The following FREM3 variants were observed in gnomAD, a reference collection of about 807,000 sequenced individuals.
FREM3 encodes FRAS1-related extracellular matrix protein 3.
Under a neutral mutation model 129.1 loss-of-function variants are expected in FREM3, and 105 were observed. The ratio of observed to expected loss-of-function variants is 0.81; its 90% CI spans 0.69 to 0.96. The LOEUF (loss-of-function observed/expected upper bound fraction) is 0.96. Among genes scored for constraint, FREM3 ranks in the 40% least tolerant of loss-of-function variants. FREM3 has a pLI of 0.00. For missense variants in FREM3, 2,593 were observed against 2,666.3 expected (o/e 0.97, Z 0.61); for synonymous variants, 1,014 against 1,044.9 (o/e 0.97, Z 0.57).
rs1458198190 is a variant in FREM3, at chr4:143,697,781, A to G, written c.2895T>C (p.Thr965=). Residue 965 remains threonine, a synonymous_variant, in exon 1 of 8, where the codon ACT becomes ACC. Coordinates refer to ENST00000329798, the MANE Select transcript of FREM3 (RefSeq NM_001168235.2). ...VSIDVLENKA[T]EITMGVIHGK... is the part of the protein sequence containing the mutation. ...CATGGATGACACCCATGGTAATTTCAGTGGCTTTATTCTCTAGTACGTCTA... is the reference window on the plus strand; with the variant it reads ...CATGGATGACACCCATGGTAATTTCGGTGGCTTTATTCTCTAGTACGTCTA... 3 of 1,537,620 alleles carry G rather than the reference A, an allele frequency of 2.0e-6. No individual in the cohort carries two copies. The highest frequency in any genetic ancestry group is 4.9e-5 in the East Asian group (2 of 40,920).
chr4:143,692,653 A>G (rs1369551839), intron 2 of FREM3, among the ~76,000 whole-genome samples: 1 of 152,096 alleles, frequency 6.6e-6, no homozygotes, highest in Non-Finnish European at 1.5e-5. Flanking sequence ...CGGGAGAAAT[A>G]TATATATATC....
intron 2 of FREM3, among the ~76,000 whole-genome samples, chr4:143,634,609 C>T (rs1739202874): frequency 6.6e-6 from 1 of 152,094 alleles, no homozygotes; most frequent in Non-Finnish European, 1.5e-5. Context: ...CACATCCTGC[C>T]TCCTCATGTG....
intron 2 of FREM3, among the ~76,000 whole-genome samples, chr4:143,636,831 T>G (rs1739241416): frequency 6.6e-6 from 1 of 152,130 alleles, no homozygotes; most frequent in Non-Finnish European, 1.5e-5. Context: ...CTCAAATAGG[T>G]AAAGTCATTT....
Position 143,696,408 on chromosome 4 carries a change from T to C in FREM3, c.4268A>G (p.Asp1423Gly). ...GCTGATTACCTCAGGGAAGACGCTG[T>C]CTAAGTTGCCAATGGTGACATAGAA... is the stretch of plus-strand genomic sequence containing the variant. ...HYFYVTIGNL[D>G]SVFPEVISKR... The change falls in exon 1 of 8, where the codon GAC becomes GGC. Residue 1423 changes from aspartate to glycine, a missense_variant. By Grantham distance (94) the Asp-to-Gly change is moderately conservative (BLOSUM62 -1). Coordinates refer to ENST00000329798, the MANE Select transcript of FREM3 (RefSeq NM_001168235.2). 6.5e-7 allele frequency: 1 copy of C among 1,537,524 alleles called. No homozygotes were observed. Among genetic ancestry groups the C allele is most frequent in the Non-Finnish European group, 8.7e-7 (1 of 1,146,938 alleles).
chr4:143,653,788 A>G (rs1578852342), intron 2 of FREM3, among the ~76,000 whole-genome samples: 1 of 152,306 alleles, frequency 6.6e-6, no homozygotes, highest in East Asian at 1.9e-4. Context: ...ATTAAATCAG[A>G]GCGTTTAGAT....
At chr4:143,609,893 G>A (rs566479489) in intron 6 of FREM3, among the ~76,000 whole-genome samples, 9 of 152,250 alleles carry the variant, frequency 5.9e-5, no homozygotes, top group East Asian at 1.9e-4. Context: ...AACTTCTTTC[G>A]AATGAAACTG....
At chr4:143,671,762 G>A (rs1390054673) in intron 2 of FREM3, among the ~76,000 whole-genome samples, 1 of 152,134 alleles carries the variant, frequency 6.6e-6, no homozygotes, top group Non-Finnish European at 1.5e-5. Context: ...AATTTTCTAT[G>A]TGGAAACTAG....
At chr4:143,661,386 T>G (rs1370905531) in intron 2 of FREM3, among the ~76,000 whole-genome samples, 1 of 152,148 alleles carries the variant, frequency 6.6e-6, no homozygotes, top group African/African-American at 2.4e-5. Flanking sequence ...TATGCTGGAT[T>G]ACATTTATTG....
chr4:143,694,588 T>G (rs1017346815), intron 1 of FREM3, among the ~76,000 whole-genome samples: 4 of 152,232 alleles, frequency 2.6e-5, no homozygotes, highest in African/African-American at 9.6e-5. Context: ...AAAGTTTATA[T>G]AAGTTTAATA....
chr4:143,686,896 G>A (rs563232791), intron 2 of FREM3, among the ~76,000 whole-genome samples: 1 of 151,912 alleles, frequency 6.6e-6, no homozygotes, highest in South Asian at 2.1e-4. Flanking sequence ...ACAATCTAAG[G>A]TCACACCTTA....
intron 6 of FREM3, among the ~76,000 whole-genome samples, chr4:143,587,796 T>C (rs1388592271): frequency 6.6e-6 from 1 of 152,222 alleles, no homozygotes; most frequent in East Asian, 1.9e-4. Context: ...GTATCTCTTA[T>C]CTGCAGTTCT....
At position 143,671,761 on chromosome 4, in the gene FREM3, T is replaced by C. The variant is rs1385331186; in HGVS notation, c.5275+21352A>G. 4.6e-5 allele frequency among the ~76,000 whole-genome samples: 7 copies of C among 152,190 alleles called. No homozygotes were observed. The South Asian group carries it at 1.5e-3, about 32-fold the overall frequency. On this transcript the variant is annotated intron_variant, in intron 2 of 7. Transcript: ENST00000329798. ...CCTCAAAACCCCATTTAATTTTCTA[T>C]GTGGAAACTAGGTGCGAAGAATTCT...
Position 143,577,408 on chromosome 4 carries a change from T to C in FREM3, c.*203A>G, listed in dbSNP as rs956829219. 31 of 548,758 alleles carry C rather than the reference T, an allele frequency of 5.6e-5. No homozygotes were observed. The highest frequency in any genetic ancestry group is 8.2e-5 in the Non-Finnish European group (26 of 317,422). 34.0% of individuals were successfully genotyped at this position (548,758 alleles called of 1,614,324 possible). A position where few individuals can be genotyped will look rare whatever the true frequency, so the allele number is the denominator to read the frequency against. Reference sequence around the variant, plus strand: ...AAGAACATGAACACAGTCTAATTATTTGTGGGCTCAATGTTTTCTAGGTAT... The same window carrying C: ...AAGAACATGAACACAGTCTAATTATCTGTGGGCTCAATGTTTTCTAGGTAT... On this transcript the variant is annotated 3_prime_UTR_variant, in exon 8 of 8. Coordinates refer to ENST00000329798, the MANE Select transcript of FREM3 (RefSeq NM_001168235.2).
chr4:143,672,182 A>G (rs570371955), intron 2 of FREM3, among the ~76,000 whole-genome samples: 6 of 152,232 alleles, frequency 3.9e-5, no homozygotes, highest in Admixed American at 2.0e-4. Flanking sequence ...CTTAATCCTT[A>G]TAAGTTCAGC....
In FREM3 at chr4:143,577,691, C is replaced by T. The variant is rs1357263649; in HGVS notation, c.6340G>A (p.Gly2114Arg). ...AAAATGGTAGTTTTATTTGGTTCTC[C>T]AAGCACTGCACCCATAGGCATCTGA... ...LLQMPMGAVL[G>R]EPNKTTIFIE... The change falls in exon 8 of 8, where the codon GGA (glycine) becomes AGA (arginine). Residue 2114 changes from glycine (G) to arginine (R), a missense_variant. This residue lies in a region of FREM3 where 317 missense variants were observed against 399.0 expected (regional missense o/e 0.79). Coordinates refer to ENST00000329798, the MANE Select transcript of FREM3 (RefSeq NM_001168235.2). 8 of 1,537,246 alleles carry T rather than the reference C, an allele frequency of 5.2e-6. No individual in the cohort carries two copies. The highest frequency in any genetic ancestry group is 2.4e-5 in the East Asian group (1 of 40,922).
rs558590857 is a variant in FREM3, at chr4:143,581,832, C to T, written c.6179-3980G>A. ...CTGCATTTCTCTGGGGTGGAGCTCC[C>T]AGAGGCAACTGAAAGTTCCTTTGTT... is the stretch of plus-strand genomic sequence containing the variant. On this transcript the variant is annotated intron_variant, in intron 7 of 7. Transcript: ENST00000329798. Among the ~76,000 whole-genome samples the T allele has an allele frequency of 1.9e-4, 29 of 150,906 alleles. No homozygotes were observed. The East Asian group carries it at 5.3e-3, about 28-fold the overall frequency.
At chr4:143,628,000 A>G (rs1334189400) in intron 2 of FREM3, among the ~76,000 whole-genome samples, 1 of 152,032 alleles carries the variant, frequency 6.6e-6, no homozygotes, top group Non-Finnish European at 1.5e-5. Context: ...CCTATTCCCA[A>G]AGGGTCTTGT....
intron 5 of FREM3, among the ~76,000 whole-genome samples, chr4:143,617,226 C>T (rs1349639467): frequency 6.6e-6 from 1 of 151,908 alleles, no homozygotes; most frequent in Non-Finnish European, 1.5e-5. Context: ...TTCAGTTGGG[C>T]TGATTTTACC....
In FREM3 at chr4:143,652,303, C is replaced by T. The variant is rs556700736; in HGVS notation, c.5276-24543G>A. ...TCAGCCTCCCCAGTAGCTGGGACTA[C>T]AGGCGCCCGCCACCGCGCCCGGCTA... On this transcript the variant is annotated intron_variant, in intron 2 of 7. Transcript: ENST00000329798. Among the ~76,000 whole-genome samples, 436 of 95,922 alleles carry T rather than the reference C, an allele frequency of 4.5e-3. 85 individuals are homozygous for T. The highest frequency in any genetic ancestry group is 0.013 in the African/African-American group (411 of 31,368). The allele number at this position is 95,922 out of a possible 152,430, so 62.9% of individuals were successfully genotyped here.
Sources: allele counts gnomAD v4.1 joint callset (sites outside exome capture counted in the v4.1 genomes callset), GRCh38; gene constraint gnomAD v4.1.1; regional missense constraint gnomAD v4.1.1; transcripts MANE v1.5; gene names NCBI Gene and HGNC (gene_info 2026-07-23, HGNC 2026-07-21).